ALOX5: variants seen among roughly 807,000 people sequenced by gnomAD.
ALOX5 encodes the protein polyunsaturated fatty acid 5-lipoxygenase.
ALOX5 carries 64 observed loss-of-function variants against 87.9 expected under a neutral mutation model. The observed-to-expected ratio is 0.73, with a 90% CI of 0.60 to 0.90. The LOEUF (loss-of-function observed/expected upper bound fraction) is 0.90. Among genes scored for constraint, ALOX5 ranks in the 40% least tolerant of loss-of-function variants. ALOX5 has a pLI of 0.00. For synonymous variants in ALOX5, 388 were observed against 355.1 expected (o/e 1.09, Z -1.04); for missense variants, 822 against 907.5 (o/e 0.91, Z 1.21).
chr10:45,376,723 A>G (rs1313592643), intron 1 of ALOX5, among the ~76,000 whole-genome samples: 2 of 152,208 alleles, frequency 1.3e-5, no homozygotes, highest in Non-Finnish European at 2.9e-5. Flanking sequence ...AGTTCAGTCA[A>G]ATAATGGACA....
Position 45,440,601 on chromosome 10 carries a change from C to T in ALOX5, c.1153C>T (p.Arg385Cys), listed in dbSNP as rs1337765752. The T allele has an allele frequency of 2.5e-6, 4 of 1,613,998 alleles. No individual in the cohort carries two copies. The highest frequency in any genetic ancestry group is 3.4e-6 in the Non-Finnish European group (4 of 1,180,026). The change falls in exon 8 of 14, where the codon CGC becomes TGC. Residue 385 changes from arginine (R) to cysteine (C), a missense_variant. By Grantham distance (180) the Arg-to-Cys change is radical. Coordinates refer to ENST00000374391, the MANE Select transcript of ALOX5 (RefSeq NM_000698.5). Reference protein sequence around the residue: ...VSEVFGIAMYRQLPAVHPIFK... With the variant: ...VSEVFGIAMYCQLPAVHPIFK... ...TGAGGTTTTTGGCATTGCAATGTAC[C>T]GCCAGCTGCCTGCTGTGCACCCCAT...
chr10:45,412,314 G>C lies in ALOX5; in HGVS notation c.554+1G>C. The C allele has an allele frequency of 6.2e-7, 1 of 1,614,086 alleles. No individual in the cohort carries two copies. Among genetic ancestry groups the C allele is most frequent in the South Asian group, 1.1e-5 (1 of 91,080 alleles). On this transcript the variant is annotated splice_donor_variant, in intron 4 of 13. Coordinates refer to ENST00000374391, the MANE Select transcript of ALOX5 (RefSeq NM_000698.5). LOFTEE classifies it high-confidence loss of function. Reference sequence around the variant, plus strand: ...ACTTTGTTCTGAATTACTCCAAAGCGTAAGTTTACGAGAACTGAGGGACTC... The same window carrying C: ...ACTTTGTTCTGAATTACTCCAAAGCCTAAGTTTACGAGAACTGAGGGACTC...
chr10:45,388,174 A>G (rs560236574), intron 2 of ALOX5, among the ~76,000 whole-genome samples: 13 of 152,264 alleles, frequency 8.5e-5, no homozygotes, highest in Admixed American at 5.9e-4. Context: ...ATGCCCACAG[A>G]GCCTTGCTCA....
intron 1 of ALOX5, among the ~76,000 whole-genome samples, chr10:45,379,106 C>G (rs545256896): frequency 6.6e-6 from 1 of 152,122 alleles, no homozygotes; most frequent in African/African-American, 2.4e-5. Context: ...GGTCGTCACC[C>G]CCAGGTAGAC....
chr10:45,404,059 G>A (rs1410087402), intron 3 of ALOX5, among the ~76,000 whole-genome samples: 1 of 152,192 alleles, frequency 6.6e-6, no homozygotes, highest in Non-Finnish European at 1.5e-5. Flanking sequence ...ACTCATCTAA[G>A]ATAACACAAA....
intron 3 of ALOX5, among the ~76,000 whole-genome samples, chr10:45,408,564 A>G (rs1398525435): frequency 1.3e-5 from 2 of 152,232 alleles, no homozygotes; most frequent in Admixed American, 1.3e-4. Flanking sequence ...AATGTTTCTT[A>G]TCAATCTTAA....
intron 3 of ALOX5, among the ~76,000 whole-genome samples, chr10:45,407,649 A>AT (rs1200518935): frequency 2.6e-5 from 4 of 151,956 alleles, no homozygotes; most frequent in East Asian, 3.8e-4. Context: ...GTGAATCTGC[A>AT]TTTTTTTTAA....
At chr10:45,386,405 G>T (rs2132687629) in intron 2 of ALOX5, among the ~76,000 whole-genome samples, 1 of 152,178 alleles carries the variant, frequency 6.6e-6, no homozygotes, top group African/African-American at 2.4e-5. Context: ...GTTCAAGGCT[G>T]CAGGGAGCTA....
chr10:45,414,268 C>T (rs1357243494), intron 4 of ALOX5, among the ~76,000 whole-genome samples: 2 of 152,140 alleles, frequency 1.3e-5, no homozygotes, highest in East Asian at 3.8e-4. Context: ...GAACAGAGCC[C>T]TCAGAAATAA....
rs1264255246 is a variant in ALOX5, at chr10:45,425,192, T to C, written c.834+60T>C. On this transcript the variant is annotated intron_variant, in intron 6 of 13. Coordinates refer to ENST00000374391, the MANE Select transcript of ALOX5 (RefSeq NM_000698.5). This position sits in a 1 kb window ranked among gnomAD's most constrained non-coding sequence, Gnocchi z 4.4. ...CACAGTCTGTCAGGTGGAAGCCAGT[T>C]CCTCCTGGCCAGTGCTCATAGGCCA... The C allele has an allele frequency of 2.6e-6, 4 of 1,556,124 alleles. No individual in the cohort carries two copies. Among genetic ancestry groups the C allele is most frequent in the Non-Finnish European group, 3.5e-6 (4 of 1,148,358 alleles).
intron 3 of ALOX5, among the ~76,000 whole-genome samples, chr10:45,410,296 A>AAAAC (rs567373039): frequency 1.3e-5 from 2 of 152,268 alleles, no homozygotes; most frequent in Admixed American, 6.5e-5. Context: ...GTCATTTTCC[A>AAAAC]AAACAAACAA....
chr10:45,394,259 A>T (rs548544019), intron 2 of ALOX5, among the ~76,000 whole-genome samples: 1 of 152,234 alleles, frequency 6.6e-6, no homozygotes, highest in African/African-American at 2.4e-5. Context: ...AAACAGAGAT[A>T]TAGACCAATG....
intron 4 of ALOX5, among the ~76,000 whole-genome samples, chr10:45,414,458 A>C (rs1366783044): frequency 6.6e-6 from 1 of 152,204 alleles, no homozygotes; most frequent in Non-Finnish European, 1.5e-5. Context: ...TAAATACTTA[A>C]ATGTTAGACC....
chr10:45,427,542 G>C (rs914276663), intron 6 of ALOX5, among the ~76,000 whole-genome samples: 1 of 152,232 alleles, frequency 6.6e-6, no homozygotes, highest in Non-Finnish European at 1.5e-5. Flanking sequence ...GCGTGCCGCC[G>C]GGCAGCCCGG....
intron 4 of ALOX5, among the ~76,000 whole-genome samples, chr10:45,412,519 G>A (rs1442381510): frequency 6.6e-6 from 1 of 152,104 alleles, no homozygotes; most frequent in African/African-American, 2.4e-5. Flanking sequence ...CATAACCAGA[G>A]GACTCCAGAC....
intron 4 of ALOX5, among the ~76,000 whole-genome samples, chr10:45,412,672 T>A (rs576163287): frequency 2.0e-5 from 3 of 152,282 alleles, no homozygotes; most frequent in South Asian, 4.1e-4. Context: ...GCAGGTGCTA[T>A]GGTAAGAATG....
At position 45,428,820 on chromosome 10, in the gene ALOX5, C is replaced by T. The variant is rs190222272; in HGVS notation, c.981+56C>T. On this transcript the variant is annotated intron_variant, in intron 7 of 13. Coordinates refer to ENST00000374391, the MANE Select transcript of ALOX5 (RefSeq NM_000698.5). ...CAGCTCAGTCCTCTGCGATCCAGGG[C>T]TCCTGGGTGGCTCCATTCACACTCC... is the stretch of plus-strand genomic sequence containing the variant. 3.8e-5 allele frequency: 60 copies of T among 1,595,590 alleles called. No homozygotes were observed. In the East Asian group the frequency reaches 1.2e-3, roughly 31 times the overall value.
chr10:45,413,808 C>A lies in ALOX5; in HGVS notation c.554+1495C>A, dbSNP rs1308265884. 2.0e-5 allele frequency among the ~76,000 whole-genome samples: 3 copies of A among 152,134 alleles called. No individual in the cohort carries two copies. In the South Asian group the frequency reaches 6.2e-4, roughly 32 times the overall value. On this transcript the variant is annotated intron_variant, in intron 4 of 13. Coordinates refer to ENST00000374391, the MANE Select transcript of ALOX5 (RefSeq NM_000698.5). ...TTCTTATATACCAATAACAGACAGA[C>A]AGCCAAATCATGAGTGAACTCCCAT...
At position 45,374,426 on chromosome 10, in the gene ALOX5, C is replaced by T. The variant is rs748435739; in HGVS notation, c.147C>T (p.Gly49=). The part of the protein sequence containing the change: ...DKPFYNDFER[G]AVDSYDVTVD... ...CCTTCTACAACGACTTCGAGCGTGG[C>T]GCGGTGAGCGCGGGCGGGGCACGGG... The change falls in exon 1 of 14, where the codon GGC becomes GGT. Residue 49 remains glycine (G), a synonymous_variant. Coordinates refer to ENST00000374391, the MANE Select transcript of ALOX5 (RefSeq NM_000698.5). The T allele has an allele frequency of 2.6e-6, 4 of 1,546,324 alleles. No individual in the cohort carries two copies. Among genetic ancestry groups the T allele is most frequent in the Admixed American group, 2.1e-5 (1 of 47,886 alleles).
Sources: gnomAD v4.1 joint callset for allele counts (sites outside exome capture counted in the v4.1 genomes callset) on GRCh38, gnomAD v4.1.1 for gene constraint, Gnocchi (gnomAD v3.1) non-coding constraint, MANE v1.5 for transcripts, NCBI Gene and HGNC (gene_info 2026-07-23, HGNC 2026-07-21) for gene names.